USH2A: variants seen among roughly 807,000 people sequenced by gnomAD.
USH2A encodes usherin.
A neutral mutation model predicts 538.9 loss-of-function variants in USH2A; 443 were observed. That is an observed-to-expected ratio of 0.82 (90% CI 0.76 to 0.89). The LOEUF (loss-of-function observed/expected upper bound fraction) is 0.89. Ranked by LOEUF, USH2A falls within the 40% of genes least tolerant of loss-of-function variation. The pLI, the probability that USH2A is intolerant of heterozygous loss-of-function variation, is 0.00. For synonymous variants in USH2A, 2,413 were observed against 2,273.5 expected (o/e 1.06, Z -1.75); for missense variants, 6,633 against 6,324.8 (o/e 1.05, Z -1.65).
chr1:216,055,171 T>G (rs776680719), intron 30 of USH2A, among the ~76,000 whole-genome samples: 1 of 152,236 alleles, frequency 6.6e-6, no homozygotes, highest in Admixed American at 6.5e-5. Context: ...AAGCTGTTTC[T>G]AGCTTCCTCT....
In USH2A at chr1:216,392,470, T is replaced by A. The variant is rs1027446960; in HGVS notation, c.651+26044A>T. 2.0e-4 allele frequency among the ~76,000 whole-genome samples: 24 copies of A among 122,478 alleles called. No homozygotes were observed. The Admixed American group carries it at 2.7e-3, about 14-fold the overall frequency. 80.4% of individuals were successfully genotyped at this position (122,478 alleles called of 152,430 possible). A position where few individuals can be genotyped will look rare whatever the true frequency, so the allele number is the denominator to read the frequency against. On this transcript the variant is annotated intron_variant, in intron 3 of 71. Coordinates refer to ENST00000307340, the MANE Select transcript of USH2A (RefSeq NM_206933.4). Reference sequence around the variant, plus strand: ...TCGTGCCACTGCACTCCAGCCTGGATGACAGAGCAAGACTCCGTCTCAAAA... The same window carrying A: ...TCGTGCCACTGCACTCCAGCCTGGAAGACAGAGCAAGACTCCGTCTCAAAA...
intron 12 of USH2A, among the ~76,000 whole-genome samples, chr1:216,249,100 A>G (rs950813661): frequency 5.3e-5 from 8 of 152,082 alleles, no homozygotes; most frequent in Non-Finnish European, 8.8e-5. Flanking sequence ...ACAAGGTGAA[A>G]TTGAATAAAG....
Position 215,638,849 on chromosome 1 carries a change from G to A in USH2A, c.15052+306C>T, listed in dbSNP as rs111655185. Among the ~76,000 whole-genome samples the A allele has an allele frequency of 3.6e-3, 544 of 149,444 alleles. 4 individuals are homozygous for A. Among genetic ancestry groups the A allele is most frequent in the African/African-American group, 0.013 (529 of 40,586 alleles). The stretch of plus-strand genomic sequence containing the variant: ...AAAAGTTAGCCAGGTGTGGTGGCCC[G>A]TGCCTGTAATCCCAGCTACTCGGGA... On this transcript the variant is annotated intron_variant, in intron 69 of 71. Transcript: ENST00000307340.
At chr1:215,864,390 T>C (rs1490709549) in intron 44 of USH2A, among the ~76,000 whole-genome samples, 2 of 152,140 alleles carry the variant, frequency 1.3e-5, no homozygotes, top group Non-Finnish European at 2.9e-5. Context: ...AATTACAATA[T>C]AATTTATCTT....
At chr1:215,914,017 T>C (rs186549732) in intron 38 of USH2A, among the ~76,000 whole-genome samples, 15 of 151,248 alleles carry the variant, frequency 9.9e-5, no homozygotes, top group Admixed American at 9.2e-4. Context: ...AAAAGATCAG[T>C]GAACTGTACC....
At chr1:215,948,423 C>CATATATAT (rs1167914331) in intron 37 of USH2A, among the ~76,000 whole-genome samples, 1 of 88,596 alleles carries the variant, frequency 1.1e-5, no homozygotes, top group Non-Finnish European at 2.4e-5. Context: ...CATATTTGTT[C>CATATATAT]AGATATATAT....
intron 26 of USH2A, chr1:216,078,969 G>A (rs886480290): frequency 8.6e-5 from 13 of 151,884 alleles, no homozygotes; most frequent in African/African-American, 2.9e-4. Context: ...TTTCTAATGT[G>A]AACATATTTC....
At chr1:216,421,332 T>C (rs1002652012) in intron 2 of USH2A, among the ~76,000 whole-genome samples, 3 of 152,150 alleles carry the variant, frequency 2.0e-5, no homozygotes, top group Admixed American at 1.3e-4. Flanking sequence ...GGGTTATTTA[T>C]ATATTCAATT....
rs571806460 is a variant in USH2A, at chr1:215,807,179, C to G, written c.9739+6557G>C. 3.0e-4 allele frequency among the ~76,000 whole-genome samples: 46 copies of G among 152,220 alleles called. No homozygotes were observed. In the Middle Eastern group the frequency reaches 0.01, roughly 34 times the overall value. On this transcript the variant is annotated intron_variant, in intron 49 of 71. Transcript: ENST00000307340. Reference sequence around the variant, plus strand: ...TCCACAAGCCAAAGAATGTGAGCAGCCTCTGCAAGGTGGAAAAGGCAAGAA... The same window carrying G: ...TCCACAAGCCAAAGAATGTGAGCAGGCTCTGCAAGGTGGAAAAGGCAAGAA...
At chr1:216,134,034 T>G (rs2033431132) in intron 21 of USH2A, among the ~76,000 whole-genome samples, 1 of 152,148 alleles carries the variant, frequency 6.6e-6, no homozygotes, top group Admixed American at 6.6e-5. Context: ...CATTGTGTTC[T>G]GTTTGCCAGT....
At chr1:216,357,060 T>A (rs902199929) in intron 4 of USH2A, among the ~76,000 whole-genome samples, 9 of 152,118 alleles carry the variant, frequency 5.9e-5, no homozygotes, top group African/African-American at 2.2e-4. Flanking sequence ...TAAAGGTCCT[T>A]AATATGCTAG....
At chr1:216,066,286 T>A (rs61826860) in intron 30 of USH2A, among the ~76,000 whole-genome samples, 11 of 151,800 alleles carry the variant, frequency 7.2e-5, no homozygotes, top group Non-Finnish European at 1.6e-4. Context: ...CTGGCTAACA[T>A]GGTGAAACCC....
intron 3 of USH2A, among the ~76,000 whole-genome samples, chr1:216,406,537 AC>A (rs1051257151): frequency 6.6e-6 from 1 of 152,160 alleles, no homozygotes; most frequent in African/African-American, 2.4e-5. Flanking sequence ...AACAAGCACT[AC>A]CTATACTAGA....
chr1:216,309,551 GGTT>G (rs1440267185), intron 9 of USH2A, among the ~76,000 whole-genome samples: 1 of 152,030 alleles, frequency 6.6e-6, no homozygotes, highest in Non-Finnish European at 1.5e-5. Context: ...TTTGAAATGA[GGTT>G]GTTGTTTTTA....
At chr1:215,761,704 T>A (rs889409513) in intron 56 of USH2A, among the ~76,000 whole-genome samples, 1 of 152,152 alleles carries the variant, frequency 6.6e-6, no homozygotes, top group Non-Finnish European at 1.5e-5. Flanking sequence ...AAATAAAATA[T>A]ACACACAAAC....
chr1:216,335,445 A>G (rs2037950399), intron 4 of USH2A, among the ~76,000 whole-genome samples: 1 of 151,590 alleles, frequency 6.6e-6, no homozygotes, highest in Non-Finnish European at 1.5e-5. Flanking sequence ...ATTTGAGCAG[A>G]CAAATAAAAT....
chr1:216,248,333 G>A (rs192671939), intron 12 of USH2A, among the ~76,000 whole-genome samples: 1 of 152,116 alleles, frequency 6.6e-6, no homozygotes, highest in East Asian at 1.9e-4. Context: ...AATTAGAATA[G>A]TAAATGTTTA....
At chr1:215,633,410 C>T (rs1162644849) in intron 70 of USH2A, among the ~76,000 whole-genome samples, 1 of 152,164 alleles carries the variant, frequency 6.6e-6, no homozygotes, top group Non-Finnish European at 1.5e-5. Flanking sequence ...GGCCCACTGC[C>T]CTTTTGTGCT....
intron 38 of USH2A, among the ~76,000 whole-genome samples, chr1:215,903,241 T>A (rs1251398306): frequency 6.6e-6 from 1 of 152,018 alleles, no homozygotes. Flanking sequence ...AGTGCAGATA[T>A]TTGATAACTT....
Sources: gnomAD v4.1 joint callset for allele counts (sites outside exome capture counted in the v4.1 genomes callset) on GRCh38, gnomAD v4.1.1 for gene constraint, MANE v1.5 for transcripts, NCBI Gene and HGNC (gene_info 2026-07-23, HGNC 2026-07-21) for gene names.